The following HMGCLL1 variants were observed in gnomAD, a reference collection of about 807,000 sequenced individuals.
The protein encoded by HMGCLL1 is 3-hydroxy-3-methylglutaryl-CoA lyase like 1.
A neutral mutation model predicts 39.1 loss-of-function variants in HMGCLL1; 36 were observed. That is an observed-to-expected ratio of 0.92 (90% CI 0.71 to 1.22). The LOEUF (loss-of-function observed/expected upper bound fraction) is 1.22. HMGCLL1 is among the 50% of genes most tolerant of loss of function. The pLI is 0.00. For synonymous variants in HMGCLL1, 149 were observed against 144.0 expected (o/e 1.03, Z -0.25); for missense variants, 451 against 416.5 (o/e 1.08, Z -0.72).
the HMGCLL1 span, among the ~76,000 whole-genome samples, chr6:55,597,036 A>T: frequency 8.1e-6 from 1 of 122,736 alleles, no homozygotes; most frequent in African/African-American, 2.7e-5. Context: ...CACAAAACCC[A>T]ATGATTTTTG....
chr6:55,663,161 T>C, the HMGCLL1 span, among the ~76,000 whole-genome samples: 1 of 151,660 alleles, frequency 6.6e-6, no homozygotes, highest in Non-Finnish European at 1.5e-5. Context: ...TTAATGATTT[T>C]TTTTCTTTGT....
chr6:55,493,583 AGGAC>A (rs1766423321), intron 7 of HMGCLL1, among the ~76,000 whole-genome samples: 1 of 152,186 alleles, frequency 6.6e-6, no homozygotes, highest in South Asian at 2.1e-4. Flanking sequence ...TTTAATTACT[AGGAC>A]ATAATCCTCT....
intron 1 of HMGCLL1, among the ~76,000 whole-genome samples, chr6:55,559,295 G>T (rs1359192464): frequency 6.6e-6 from 1 of 152,066 alleles, no homozygotes; most frequent in African/African-American, 2.4e-5. Context: ...TGCCCAATTT[G>T]CTTAACATTT....
chr6:55,625,542 C>T, the HMGCLL1 span, among the ~76,000 whole-genome samples: 223 of 152,134 alleles, frequency 1.5e-3, 2 homozygotes, highest in African/African-American at 5.2e-3. Flanking sequence ...AGGCACCACC[C>T]GAAAATGGAC....
chr6:55,518,326 TA>T (rs1309596544), intron 3 of HMGCLL1, among the ~76,000 whole-genome samples: 3 of 152,118 alleles, frequency 2.0e-5, no homozygotes, highest in African/African-American at 7.2e-5. Context: ...GTATGGCCTA[TA>T]AAAGTCTGGG....
the HMGCLL1 span, among the ~76,000 whole-genome samples, chr6:55,640,017 G>T: frequency 6.6e-6 from 1 of 152,100 alleles, no homozygotes; most frequent in African/African-American, 2.4e-5. Flanking sequence ...GGCGGAGGTT[G>T]CAGTGAGCCC....
the HMGCLL1 span, among the ~76,000 whole-genome samples, chr6:55,615,366 A>C: frequency 0.014 from 2,122 of 152,246 alleles, 55 homozygotes; most frequent in African/African-American, 0.048. Context: ...ACAAAGGTGA[A>C]TCTCAAGCTA....
intron 1 of HMGCLL1, among the ~76,000 whole-genome samples, chr6:55,542,341 A>G (rs1166677610): frequency 1.3e-5 from 2 of 152,188 alleles, no homozygotes; most frequent in Non-Finnish European, 2.9e-5. Context: ...ACCAAGTGAT[A>G]TTTAGTCTAG....
At chr6:55,658,205 G>A in the HMGCLL1 span, among the ~76,000 whole-genome samples, 318 of 151,994 alleles carry the variant, frequency 2.1e-3, 3 homozygotes, top group Middle Eastern at 6.8e-3. Flanking sequence ...GGATCAAAAT[G>A]CCATCTGGAC....
At chr6:55,623,874 AT>A in the HMGCLL1 span, among the ~76,000 whole-genome samples, 1 of 152,012 alleles carries the variant, frequency 6.6e-6, no homozygotes. Flanking sequence ...GCCTATGCCA[AT>A]TATGCATTCT....
chr6:55,600,334 GAATTTTGAAAAATATATC>G, the HMGCLL1 span, among the ~76,000 whole-genome samples: 1 of 152,208 alleles, frequency 6.6e-6, no homozygotes. Flanking sequence ...GGTAAAGAAA[GAATTTTGAAAAATATATC>G]AATTTAGGTG....
the HMGCLL1 span, among the ~76,000 whole-genome samples, chr6:55,654,670 A>G: frequency 6.6e-6 from 1 of 151,894 alleles, no homozygotes; most frequent in Non-Finnish European, 1.5e-5. Context: ...TCAAGCACTT[A>G]CTGTCCAAAT....
At chr6:55,608,727 T>G in the HMGCLL1 span, among the ~76,000 whole-genome samples, 1 of 152,182 alleles carries the variant, frequency 6.6e-6, no homozygotes, top group Non-Finnish European at 1.5e-5. Context: ...TAAATCTACT[T>G]GAACAACAAT....
intron 7 of HMGCLL1, among the ~76,000 whole-genome samples, chr6:55,482,883 T>C (rs1460200151): frequency 6.6e-6 from 1 of 152,056 alleles, no homozygotes; most frequent in African/African-American, 2.4e-5. Context: ...TATAAATAAA[T>C]TTAAACTTTT....
chr6:55,575,910 A>G (rs1052627090), intron 1 of HMGCLL1, among the ~76,000 whole-genome samples: 1 of 152,206 alleles, frequency 6.6e-6, no homozygotes, highest in Non-Finnish European at 1.5e-5. Flanking sequence ...GACCTTGAAC[A>G]AATGCTAAGA....
chr6:55,564,545 A>T (rs1771120867), intron 1 of HMGCLL1, among the ~76,000 whole-genome samples: 1 of 152,134 alleles, frequency 6.6e-6, no homozygotes, highest in Non-Finnish European at 1.5e-5. Context: ...TATAAACAAG[A>T]TTAAATATTC....
chr6:55,510,281 CT>C (rs1280699768), intron 5 of HMGCLL1, among the ~76,000 whole-genome samples: 1 of 151,776 alleles, frequency 6.6e-6, no homozygotes, highest in Non-Finnish European at 1.5e-5. Flanking sequence ...ATGATTTATG[CT>C]TTAACTGGGT....
intron 5 of HMGCLL1, among the ~76,000 whole-genome samples, chr6:55,501,136 C>T (rs568550161): frequency 1.3e-5 from 2 of 151,660 alleles, no homozygotes; most frequent in Non-Finnish European, 2.9e-5. Context: ...TGTTCATATG[C>T]TCTTCCCTAT....
chr6:55,677,338 T>C, the HMGCLL1 span, among the ~76,000 whole-genome samples: 1 of 152,118 alleles, frequency 6.6e-6, no homozygotes, highest in Admixed American at 6.5e-5. Flanking sequence ...GCAGTGAGCC[T>C]TGGTGACAGA....
Sources: allele counts gnomAD v4.1 joint callset (sites outside exome capture counted in the v4.1 genomes callset), GRCh38; gene constraint gnomAD v4.1.1; transcripts MANE v1.5; gene names NCBI Gene and HGNC (gene_info 2026-07-23, HGNC 2026-07-21).